EML1: variants seen among roughly 807,000 people sequenced by gnomAD.
The protein encoded by EML1 is EMAP like 1.
EML1 carries 27 observed loss-of-function variants against 110.4 expected under a neutral mutation model. That is an observed-to-expected ratio of 0.24 (90% CI 0.18 to 0.34). The LOEUF is 0.34. Ranked by LOEUF, EML1 falls within the 10% of genes least tolerant of loss-of-function variation. EML1 has a pLI of 1.00. For synonymous variants in EML1, 344 were observed against 385.8 expected (o/e 0.89, Z 1.27); for missense variants, 741 against 1,030.9 (o/e 0.72, Z 3.85).
chr14:99,749,336 GC>G (rs56820470), intron 1 of EML1, among the ~76,000 whole-genome samples: 52 of 152,004 alleles, frequency 3.4e-4, no homozygotes, highest in African/African-American at 1.1e-3. Flanking sequence ...CTGTCTTCTC[GC>G]CCCCCCAGCC....
intron 1 of EML1, among the ~76,000 whole-genome samples, chr14:99,819,479 A>AC (rs2058224953): frequency 6.6e-6 from 1 of 152,108 alleles, no homozygotes; most frequent in Admixed American, 6.5e-5. Flanking sequence ...GGAAATGTTA[A>AC]CCCTTCTTTC....
At chr14:99,745,215 G>A (rs931536383) in intron 1 of EML1, among the ~76,000 whole-genome samples, 1 of 152,080 alleles carries the variant, frequency 6.6e-6, no homozygotes, top group East Asian at 1.9e-4. Flanking sequence ...ACATGCATGC[G>A]CCACCACACC....
intron 1 of EML1, among the ~76,000 whole-genome samples, chr14:99,799,353 C>T (rs932843541): frequency 6.6e-6 from 1 of 152,104 alleles, no homozygotes; most frequent in Admixed American, 6.5e-5. Context: ...ACTATGATTA[C>T]AGCAGGATTT....
At chr14:99,808,824 C>G (rs57856812) in intron 1 of EML1, among the ~76,000 whole-genome samples, 2,341 of 152,278 alleles carry the variant, frequency 0.015, 60 homozygotes, top group African/African-American at 0.053. Flanking sequence ...AAAATGATCT[C>G]CTTTCTAATA....
At chr14:99,885,971 G>T (rs1243094981) in intron 4 of EML1, 2 of 442,528 alleles carry the variant, frequency 4.5e-6, no homozygotes, top group Non-Finnish European at 9.0e-6. Context: ...ACCATGTTAA[G>T]CTGGGAAGTA....
chr14:99,774,240 T>TG (rs1387934291), intron 1 of EML1, among the ~76,000 whole-genome samples: 1 of 151,986 alleles, frequency 6.6e-6, no homozygotes, highest in East Asian at 1.9e-4. Flanking sequence ...ATTCTAGGCA[T>TG]GGGGGGACTT....
chr14:99,840,488 G>A (rs1566892291), intron 1 of EML1, among the ~76,000 whole-genome samples: 1 of 152,212 alleles, frequency 6.6e-6, no homozygotes, highest in Non-Finnish European at 1.5e-5. Flanking sequence ...CTCTGTGGGA[G>A]GGCGCTGTGT....
At chr14:99,932,511 C>T (rs2060389195) in intron 17 of EML1, among the ~76,000 whole-genome samples, 1 of 151,908 alleles carries the variant, frequency 6.6e-6, no homozygotes, top group African/African-American at 2.4e-5. Context: ...CGGTGGCAGG[C>T]GCCTGTAATC....
rs1316511645 is a variant in EML1 at position 99,891,077 on chromosome 14, C to T, written c.519-122C>T. 1.1e-5 allele frequency: 12 copies of T among 1,070,198 alleles called. No individual in the cohort carries two copies. The South Asian group carries it at 1.3e-4, about 12-fold the overall frequency. The allele number at this position is 1,070,198 out of a possible 1,614,324, so 66.3% of individuals were successfully genotyped here. ...AAATTGGTGGTGTTTTTCTTATTAACGTGTATAACTTATGCAGCATTTGTG... is the reference window on the plus strand; with the variant it reads ...AAATTGGTGGTGTTTTTCTTATTAATGTGTATAACTTATGCAGCATTTGTG... On this transcript the variant is annotated intron_variant, in intron 4 of 21. Transcript: ENST00000262233.
At chr14:99,739,526 G>A (rs2057017573) in intron 1 of EML1, among the ~76,000 whole-genome samples, 1 of 152,320 alleles carries the variant, frequency 6.6e-6, no homozygotes, top group Non-Finnish European at 1.5e-5. Flanking sequence ...GAGAGGGTCA[G>A]CCCAGTTGGG....
intron 1 of EML1, among the ~76,000 whole-genome samples, chr14:99,808,913 A>G (rs1214184527): frequency 6.6e-6 from 1 of 152,220 alleles, no homozygotes; most frequent in Non-Finnish European, 1.5e-5. Flanking sequence ...GTAAAATACT[A>G]CTTTATCATA....
intron 1 of EML1, among the ~76,000 whole-genome samples, chr14:99,779,177 C>T (rs994515143): frequency 2.0e-5 from 3 of 152,146 alleles, no homozygotes; most frequent in African/African-American, 7.2e-5. Context: ...TGCTGAACTT[C>T]CCAATATGAT....
In EML1 at chr14:99,936,878, C is replaced by G. The variant is rs2060483390; in HGVS notation, c.2095+544C>G. 6.6e-6 allele frequency among the ~76,000 whole-genome samples: 1 copy of G among 152,194 alleles called. No individual in the cohort carries two copies. Among genetic ancestry groups the G allele is most frequent in the African/African-American group, 2.4e-5 (1 of 41,452 alleles). ...TACAAGCACATCCTCATGCCACGCA[C>G]TGGTTCCTTAGACACCCACCAGGCA... On this transcript the variant is annotated intron_variant, in intron 19 of 21. Transcript: ENST00000262233. This position sits in a 1 kb window ranked among gnomAD's most constrained non-coding sequence, Gnocchi z 5.5.
intron 1 of EML1, among the ~76,000 whole-genome samples, chr14:99,842,011 A>G (rs1222588167): frequency 8.0e-6 from 1 of 124,272 alleles, no homozygotes; most frequent in Non-Finnish European, 1.8e-5. Context: ...CTGTAAAGTG[A>G]TAATAGACAA....
At chr14:99,907,973 C>G (rs1466019547) in intron 10 of EML1, among the ~76,000 whole-genome samples, 1 of 152,250 alleles carries the variant, frequency 6.6e-6, no homozygotes, top group Admixed American at 6.5e-5. Context: ...CATTTCATAG[C>G]CACTACCCTT....
intron 10 of EML1, among the ~76,000 whole-genome samples, chr14:99,908,989 A>G (rs895216968): frequency 6.6e-6 from 1 of 152,136 alleles, no homozygotes; most frequent in Non-Finnish European, 1.5e-5. Flanking sequence ...ATGAGAGCAA[A>G]TGCTTGCAGT....
At chr14:99,907,789 C>T (rs888174872) in intron 10 of EML1, 56 bp downstream of exon 10, 1 of 1,558,344 alleles carries the variant, frequency 6.4e-7, no homozygotes, top group African/African-American at 1.4e-5. Context: ...CAGAGCCGCC[C>T]TGGCATAGTG....
In EML1 at chr14:99,739,879, G is replaced by A. The variant is rs1356119054; in HGVS notation, c.28+2019G>A. On this transcript the variant is annotated intron_variant, in intron 1 of 10. Transcript: ENST00000554479. ...CAGTAACCGATCCCCAAGCCGTGTC[G>A]GCAGTGGGAACATTCTCAGCTCTCC... Among the ~76,000 whole-genome samples the A allele has an allele frequency of 6.6e-5, 10 of 152,148 alleles. No homozygotes were observed. In the East Asian group the frequency reaches 7.7e-4, roughly 12 times the overall value.
At chr14:99,805,218 A>G (rs1264770508) in intron 1 of EML1, among the ~76,000 whole-genome samples, 1 of 152,168 alleles carries the variant, frequency 6.6e-6, no homozygotes, top group African/African-American at 2.4e-5. Flanking sequence ...GACCTGTAGG[A>G]TGTCATTCTG....
Sources: allele counts gnomAD v4.1 joint callset (sites outside exome capture counted in the v4.1 genomes callset), GRCh38; gene constraint gnomAD v4.1.1; non-coding constraint Gnocchi (gnomAD v3.1); transcripts MANE v1.5; gene names NCBI Gene and HGNC (gene_info 2026-07-23, HGNC 2026-07-21).